The following RNFT2 variants were observed in gnomAD, a reference collection of about 807,000 sequenced individuals.
RNFT2 encodes the protein E3 ubiquitin-protein ligase RNFT2.
In RNFT2, 36 loss-of-function variants were observed where a neutral mutation model predicts 53.0. That is an observed-to-expected ratio of 0.68 (90% CI 0.52 to 0.90). RNFT2 has a LOEUF of 0.90. Among genes scored for constraint, RNFT2 ranks in the 40% least tolerant of loss-of-function variants. The pLI, the probability that RNFT2 is intolerant of heterozygous loss-of-function variation, is 0.00. For missense variants in RNFT2, 514 were observed against 585.6 expected, an observed-to-expected ratio of 0.88 and a Z score of 1.26; for synonymous variants, 260 against 253.2, an observed-to-expected ratio of 1.03 and a Z score of -0.26.
chr12:116,767,169 T>C (rs559179012), intron 6 of RNFT2, among the ~76,000 whole-genome samples: 1 of 152,328 alleles, frequency 6.6e-6, no homozygotes, highest in South Asian at 2.1e-4. Context: ...ATTATAATAA[T>C]TGATTTTATT....
intron 7 of RNFT2, among the ~76,000 whole-genome samples, chr12:116,829,346 A>G (rs1876514283): frequency 6.6e-6 from 1 of 152,046 alleles, no homozygotes; most frequent in African/African-American, 2.4e-5. Flanking sequence ...GTCACCCCCC[A>G]TCTTCCCAAA....
intron 7 of RNFT2, among the ~76,000 whole-genome samples, chr12:116,831,896 C>A (rs886095032): frequency 6.6e-6 from 1 of 151,686 alleles, no homozygotes; most frequent in Non-Finnish European, 1.5e-5. Context: ...AGGAGGCTGA[C>A]AAGGGGCAGA....
intron 7 of RNFT2, among the ~76,000 whole-genome samples, chr12:116,826,098 T>C (rs760556718): frequency 6.6e-6 from 1 of 152,106 alleles, no homozygotes; most frequent in Non-Finnish European, 1.5e-5. Flanking sequence ...TCAAATCATC[T>C]TTCCCATGTA....
rs369021183 is a variant in RNFT2 at position 116,833,813 on chromosome 12, G to A, written c.904G>A (p.Glu302Lys). 8 of 1,613,006 alleles carry A rather than the reference G, an allele frequency of 5.0e-6. No homozygotes were observed. The highest frequency in any genetic ancestry group is 2.2e-5 in the South Asian group (2 of 90,904). The change falls in exon 8 of 11, where the codon GAG becomes AAG. Residue 302 changes from glutamate to lysine, a missense_variant. This residue lies in a region of RNFT2 where 273 missense variants were observed against 334.4 expected (regional missense o/e 0.82). Transcript: ENST00000257575. ...KSKGKFYLVI[E>K]ELSQLFRSLV... is the part of the protein sequence containing the mutation. ...GCAGGGAAAGTTCTATCTGGTCATC[G>A]AGGAGCTGAGCCAGCTGTTCCGATC...
intron 7 of RNFT2, among the ~76,000 whole-genome samples, chr12:116,823,298 G>T (rs1383893601): frequency 1.3e-5 from 2 of 152,218 alleles, no homozygotes; most frequent in Non-Finnish European, 1.5e-5. Context: ...AGAGCAGCTT[G>T]CCCAAAGTCA....
rs535873477 is a variant in RNFT2 at position 116,759,941 on chromosome 12, C to T, written c.627+5881C>T. Among the ~76,000 whole-genome samples the T allele has an allele frequency of 1.4e-4, 21 of 152,236 alleles. 1 individual carries two copies. The South Asian group carries it at 3.7e-3, about 27-fold the overall frequency. Reference sequence around the variant, plus strand: ...TCGAGTTTCTATGGCCTTTGTCTTCCGCTACCAGGGTGGGTAGGAGGGAAG... The same window carrying T: ...TCGAGTTTCTATGGCCTTTGTCTTCTGCTACCAGGGTGGGTAGGAGGGAAG... On this transcript the variant is annotated intron_variant, in intron 5 of 10. Transcript: ENST00000257575.
At chr12:116,848,793 T>C (rs146893965) in intron 10 of RNFT2, among the ~76,000 whole-genome samples, 4 of 148,948 alleles carry the variant, frequency 2.7e-5, no homozygotes, top group African/African-American at 9.7e-5. Context: ...CCCTGTTCCT[T>C]CTCCCTCCTG....
intron 7 of RNFT2, among the ~76,000 whole-genome samples, chr12:116,792,461 C>G (rs553614536): frequency 2.6e-5 from 4 of 152,322 alleles, no homozygotes; most frequent in African/African-American, 9.6e-5. Flanking sequence ...GAAACGGACA[C>G]TGCTAGGGCC....
intron 7 of RNFT2, 105 bp downstream of exon 7, chr12:116,779,453 C>A: frequency 1.6e-6 from 2 of 1,221,574 alleles, no homozygotes; most frequent in South Asian, 1.4e-5. Context: ...GGACTGATGT[C>A]AGCATATAAA....
chr12:116,788,826 A>AGATGGATGGATG (rs10579272), intron 7 of RNFT2, among the ~76,000 whole-genome samples: 7,332 of 150,020 alleles, frequency 0.049, 456 homozygotes, highest in African/African-American at 0.14. Context: ...ATGGATGGAT[A>AGATGGATGGATG]GATGGATGGA....
intron 7 of RNFT2, among the ~76,000 whole-genome samples, chr12:116,813,388 C>A (rs1232924775): frequency 6.6e-6 from 1 of 152,176 alleles, no homozygotes; most frequent in Non-Finnish European, 1.5e-5. Flanking sequence ...CTCCTCCAGG[C>A]CTTTGCAGTG....
rs968011893 is a variant in RNFT2, at chr12:116,827,654, A to G, written c.883-6138A>G. On this transcript the variant is annotated intron_variant, in intron 7 of 10. Coordinates refer to ENST00000257575, the MANE Select transcript of RNFT2 (RefSeq NM_001382266.1). ...ATTCACTTACCTATTGTCCACAGCT[A>G]TTTTCCTACTGTAGTGACAGAGGTG... 2.0e-5 allele frequency among the ~76,000 whole-genome samples: 3 copies of G among 152,196 alleles called. No homozygotes were observed. In the East Asian group the frequency reaches 5.8e-4, roughly 29 times the overall value.
intron 3 of RNFT2, among the ~76,000 whole-genome samples, chr12:116,745,906 C>A (rs910427197): frequency 6.6e-6 from 1 of 152,108 alleles, no homozygotes; most frequent in Non-Finnish European, 1.5e-5. Flanking sequence ...CTGTCCAAAG[C>A]TATGGTTTGC....
intron 5 of RNFT2, among the ~76,000 whole-genome samples, chr12:116,764,368 CTG>C (rs1872819904): frequency 6.6e-6 from 1 of 152,068 alleles, no homozygotes; most frequent in African/African-American, 2.4e-5. Flanking sequence ...TTTTTAAAGT[CTG>C]TGCTTTCTCC....
intron 7 of RNFT2, among the ~76,000 whole-genome samples, chr12:116,826,143 A>G (rs1305201077): frequency 6.6e-6 from 1 of 151,220 alleles, no homozygotes; most frequent in East Asian, 1.9e-4. Context: ...CTCTCTGTTC[A>G]TTTCTTCTGC....
chr12:116,771,345 C>T (rs1035239263), intron 6 of RNFT2, among the ~76,000 whole-genome samples: 7 of 151,186 alleles, frequency 4.6e-5, no homozygotes, highest in African/African-American at 1.2e-4. Flanking sequence ...CTATAGTCCC[C>T]GCTACCCTGG....
At chr12:116,832,631 C>G (rs573405961) in intron 7 of RNFT2, among the ~76,000 whole-genome samples, 1 of 152,128 alleles carries the variant, frequency 6.6e-6, no homozygotes, top group African/African-American at 2.4e-5. Context: ...TTAGACACTA[C>G]AGAGTGGGTG....
intron 7 of RNFT2, among the ~76,000 whole-genome samples, chr12:116,780,331 C>A (rs1396605729): frequency 6.6e-6 from 1 of 152,172 alleles, no homozygotes; most frequent in Non-Finnish European, 1.5e-5. Context: ...TGAAACTGTT[C>A]CACTTCAGAT....
At chr12:116,746,452 G>A (rs958109544) in intron 3 of RNFT2, among the ~76,000 whole-genome samples, 6 of 152,188 alleles carry the variant, frequency 3.9e-5, no homozygotes, top group African/African-American at 1.4e-4. Flanking sequence ...TCCTGTGCAG[G>A]TGACATGAGG....
Sources: gnomAD v4.1 joint callset for allele counts (sites outside exome capture counted in the v4.1 genomes callset) on GRCh38, gnomAD v4.1.1 for gene constraint, gnomAD v4.1.1 regional missense constraint, MANE v1.5 for transcripts, NCBI Gene and HGNC (gene_info 2026-07-23, HGNC 2026-07-21) for gene names.